CHST11: variants seen among roughly 807,000 people sequenced by gnomAD.
The protein encoded by CHST11 is carbohydrate sulfotransferase 11, also known as C4S-1.
A neutral mutation model predicts 30.4 loss-of-function variants in CHST11; 9 were observed. The observed-to-expected ratio is 0.30, with a 90% CI of 0.18 to 0.52. CHST11 has a LOEUF of 0.52. CHST11 is among the 20% of genes least tolerant of loss of function. CHST11 has a pLI of 0.97. For missense variants in CHST11, 348 were observed against 460.6 expected, an observed-to-expected ratio of 0.76 and a Z score of 2.24; for synonymous variants, 152 against 187.8, an observed-to-expected ratio of 0.81 and a Z score of 1.56.
At chr12:104,567,103 G>C (rs1032714653) in intron 1 of CHST11, among the ~76,000 whole-genome samples, 1 of 152,156 alleles carries the variant, frequency 6.6e-6, no homozygotes, top group Non-Finnish European at 1.5e-5. Context: ...TGCAAAACTT[G>C]TTGCTGTCTC....
At chr12:104,610,898 C>A (rs1377363403) in intron 2 of CHST11, among the ~76,000 whole-genome samples, 1 of 152,162 alleles carries the variant, frequency 6.6e-6, no homozygotes, top group African/African-American at 2.4e-5. Flanking sequence ...GAATAAAATG[C>A]TTGTGGTTCA....
intron 1 of CHST11, among the ~76,000 whole-genome samples, chr12:104,597,227 A>G (rs1384547792): frequency 6.6e-6 from 1 of 152,174 alleles, no homozygotes; most frequent in African/African-American, 2.4e-5. Context: ...AGCTTCATTT[A>G]TGTATCGTGG....
chr12:104,675,112 T>G (rs1296358550), intron 2 of CHST11, among the ~76,000 whole-genome samples: 3 of 152,244 alleles, frequency 2.0e-5, no homozygotes, highest in African/African-American at 7.2e-5. Flanking sequence ...ATTAATGTTT[T>G]AGTGGTGATC....
At chr12:104,613,271 TG>T (rs1482673007) in intron 2 of CHST11, among the ~76,000 whole-genome samples, 2 of 133,420 alleles carry the variant, frequency 1.5e-5, no homozygotes, top group Non-Finnish European at 3.3e-5. Flanking sequence ...AAAATGTGAG[TG>T]AGATAGATAG....
intron 2 of CHST11, among the ~76,000 whole-genome samples, chr12:104,653,438 C>T (rs917744027): frequency 6.6e-6 from 1 of 152,176 alleles, no homozygotes; most frequent in Non-Finnish European, 1.5e-5. Flanking sequence ...CCTTCTTTAA[C>T]AAGTACTGAG....
intron 2 of CHST11, among the ~76,000 whole-genome samples, chr12:104,669,895 A>C (rs2136094265): frequency 6.6e-6 from 1 of 152,368 alleles, no homozygotes. Flanking sequence ...AGTCAGGAAT[A>C]ATAGCCAATC....
intron 1 of CHST11, among the ~76,000 whole-genome samples, chr12:104,508,994 T>C (rs932277640): frequency 6.6e-6 from 1 of 151,900 alleles, no homozygotes; most frequent in Admixed American, 6.6e-5. Context: ...CCAGAATGAC[T>C]ATAATCCTTC....
chr12:104,567,287 G>T (rs1370797636), intron 1 of CHST11, among the ~76,000 whole-genome samples: 1 of 152,204 alleles, frequency 6.6e-6, no homozygotes, highest in Non-Finnish European at 1.5e-5. Context: ...AACATTTTTT[G>T]CTAGGCAAGG....
At chr12:104,513,381 A>AC (rs1359486820) in intron 1 of CHST11, among the ~76,000 whole-genome samples, 1 of 152,062 alleles carries the variant, frequency 6.6e-6, no homozygotes, top group Non-Finnish European at 1.5e-5. Flanking sequence ...AATCTCCCCC[A>AC]CCCCCAGTGT....
chr12:104,507,359 C>T (rs1160322580), intron 1 of CHST11, among the ~76,000 whole-genome samples: 1 of 152,218 alleles, frequency 6.6e-6, no homozygotes, highest in Non-Finnish European at 1.5e-5. Flanking sequence ...TGAGACAGAT[C>T]CTGCTTTTGC....
intron 2 of CHST11, among the ~76,000 whole-genome samples, chr12:104,702,024 A>G (rs566164179): frequency 5.8e-4 from 88 of 152,332 alleles, no homozygotes; most frequent in African/African-American, 2.1e-3. Context: ...TGCACCAAGC[A>G]CTGCCAAGAT....
At chr12:104,487,772 G>C (rs1343020241) in intron 1 of CHST11, among the ~76,000 whole-genome samples, 2 of 151,518 alleles carry the variant, frequency 1.3e-5, no homozygotes, top group East Asian at 3.9e-4. Flanking sequence ...GGTGAACATA[G>C]AGTTGCGTAT....
intron 1 of CHST11, among the ~76,000 whole-genome samples, chr12:104,501,589 C>T (rs554198884): frequency 3.8e-4 from 58 of 152,286 alleles, no homozygotes; most frequent in African/African-American, 1.3e-3. Context: ...GGCCCCAAGC[C>T]GACACTCTGA....
chr12:104,731,790 C>G (rs1200895086), intron 2 of CHST11, among the ~76,000 whole-genome samples: 1 of 152,268 alleles, frequency 6.6e-6, no homozygotes, highest in Non-Finnish European at 1.5e-5. Context: ...TAATGTCCAT[C>G]CGTGTCATGA....
chr12:104,577,565 A>G (rs2038697627), intron 1 of CHST11, among the ~76,000 whole-genome samples: 2 of 147,294 alleles, frequency 1.4e-5, no homozygotes, highest in Admixed American at 1.4e-4. Context: ...ATGCTGAGGC[A>G]GACACTAGTG....
At chr12:104,461,837 G>A (rs910850369) in intron 1 of CHST11, among the ~76,000 whole-genome samples, 1 of 151,918 alleles carries the variant, frequency 6.6e-6, no homozygotes, top group African/African-American at 2.4e-5. Flanking sequence ...AATTTTAAAC[G>A]AATTGTAAAC....
At chr12:104,692,225 G>T in intron 2 of CHST11, among the ~76,000 whole-genome samples, 1 of 152,184 alleles carries the variant, frequency 6.6e-6, no homozygotes, top group Non-Finnish European at 1.5e-5. Flanking sequence ...AGAGCGTGCA[G>T]CCCACGAGCA....
intron 2 of CHST11, among the ~76,000 whole-genome samples, chr12:104,610,007 AG>A (rs1053659187): frequency 6.6e-6 from 1 of 151,314 alleles, no homozygotes; most frequent in African/African-American, 2.4e-5. Context: ...TTGATCAGCA[AG>A]CTTGACGCAC....
At position 104,740,476 on chromosome 12, in the gene CHST11, G is replaced by A. The variant is rs76419961; in HGVS notation, c.205-16473G>A. On this transcript the variant is annotated intron_variant, in intron 2 of 2. Transcript: ENST00000303694. The stretch of plus-strand genomic sequence containing the variant: ...AGAAAATCCCTCTTTTTGCTCTGCT[G>A]TCCAGCAGCACAACAAAAAGGCATA... 7.0e-3 allele frequency among the ~76,000 whole-genome samples: 1,073 copies of A among 152,250 alleles called. 14 individuals carry two copies. The highest frequency in any genetic ancestry group is 0.024 in the African/African-American group (1,017 of 41,552).
Sources: gnomAD v4.1 joint callset for allele counts (sites outside exome capture counted in the v4.1 genomes callset) on GRCh38, gnomAD v4.1.1 for gene constraint, MANE v1.5 for transcripts, NCBI Gene and HGNC (gene_info 2026-07-23, HGNC 2026-07-21) for gene names.